The following CSPP1 variants were observed in gnomAD, a reference collection of about 807,000 sequenced individuals.
The protein encoded by CSPP1 is centrosome and spindle pole-associated protein 1.
CSPP1 carries 126 observed loss-of-function variants against 164.4 expected under a neutral mutation model. The ratio of observed to expected loss-of-function variants is 0.77; its 90% confidence interval spans 0.66 to 0.89. The LOEUF (loss-of-function observed/expected upper bound fraction) is 0.89, where lower values mean the gene tolerates loss of function less well. Among genes scored for constraint, CSPP1 ranks in the 40% least tolerant of loss-of-function variants. CSPP1 has a pLI of 0.00. For missense variants in CSPP1, 1,395 were observed against 1,449.8 expected, an observed-to-expected ratio of 0.96 and a Z score of 0.61; for synonymous variants, 472 against 476.7, an observed-to-expected ratio of 0.99 and a Z score of 0.13.
chr8:67,183,864 TTTTTTTTA>T, intron 28 of CSPP1, among the ~76,000 whole-genome samples: 1 of 148,852 alleles, frequency 6.7e-6, no homozygotes, highest in African/African-American at 2.5e-5. Flanking sequence ...TTTTTTTTTT[TTTTTTTTA>T]GACAAAGTCT....
At chr8:67,158,372 T>C in intron 19 of CSPP1, 75 bp from the exon 20 acceptor site, 2 of 1,411,146 alleles carry the variant, frequency 1.4e-6, no homozygotes, top group Non-Finnish European at 1.9e-6. Context: ...GTTTATATAC[T>C]ATCAGGAAAA....
intron 17 of CSPP1, among the ~76,000 whole-genome samples, chr8:67,146,110 G>T (rs111277367): frequency 0.035 from 5,223 of 149,264 alleles, 186 homozygotes; most frequent in African/African-American, 0.081. Flanking sequence ...TTTTGTAAGA[G>T]AATATACTTT....
chr8:67,192,794 G>A (rs752061712), intron 29 of CSPP1, among the ~76,000 whole-genome samples: 48 of 151,522 alleles, frequency 3.2e-4, no homozygotes, highest in Non-Finnish European at 5.6e-4. Context: ...TGTTAACTCC[G>A]TCCATAAACG....
At chr8:67,151,601 C>T (rs1021661922) in intron 18 of CSPP1, among the ~76,000 whole-genome samples, 1 of 152,254 alleles carries the variant, frequency 6.6e-6, no homozygotes, top group East Asian at 1.9e-4. Flanking sequence ...TTCCCAAAAG[C>T]ATAAGCCTGA....
intron 28 of CSPP1, among the ~76,000 whole-genome samples, chr8:67,182,498 A>G (rs185461338): frequency 6.6e-6 from 1 of 152,322 alleles, no homozygotes; most frequent in Non-Finnish European, 1.5e-5. Context: ...TTGGGTATAC[A>G]CTAAGAGATA....
chr8:67,105,809 G>C (rs543701585), intron 8 of CSPP1, 96 bp from the exon 9 acceptor site: 5 of 704,516 alleles, frequency 7.1e-6, no homozygotes, highest in African/African-American at 3.5e-5. Flanking sequence ...ACTTTGAAAG[G>C]CTAATAATTC....
chr8:67,104,504 G>A (rs979328782), intron 8 of CSPP1, among the ~76,000 whole-genome samples: 1 of 151,914 alleles, frequency 6.6e-6, no homozygotes, highest in Non-Finnish European at 1.5e-5. Context: ...AACTCATGGT[G>A]GGATTACAGG....
At chr8:67,172,302 T>A in intron 24 of CSPP1, 114 bp from the exon 25 acceptor site, 1 of 771,762 alleles carries the variant, frequency 1.3e-6, no homozygotes, top group Non-Finnish European at 2.1e-6. Flanking sequence ...CCTAGAGTAA[T>A]TTTTTAATAA....
At chr8:67,113,050 C>A (rs1247999440) in intron 10 of CSPP1, among the ~76,000 whole-genome samples, 1 of 152,128 alleles carries the variant, frequency 6.6e-6, no homozygotes, top group East Asian at 1.9e-4. Flanking sequence ...TCGAGACCAT[C>A]CTGGCTAACA....
At chr8:67,160,532 A>C (rs1016987113) in intron 21 of CSPP1, among the ~76,000 whole-genome samples, 3 of 151,162 alleles carry the variant, frequency 2.0e-5, no homozygotes, top group African/African-American at 7.3e-5. Flanking sequence ...GTAATTTCTT[A>C]TGTTTTTTAA....
intron 19 of CSPP1, among the ~76,000 whole-genome samples, chr8:67,156,127 C>T (rs1448140904): frequency 6.6e-6 from 1 of 152,180 alleles, no homozygotes; most frequent in East Asian, 1.9e-4. Flanking sequence ...AACAATCTTA[C>T]AATTGTATAG....
chr8:67,167,615 TCAGA>T (rs967886258), intron 24 of CSPP1, among the ~76,000 whole-genome samples: 3 of 145,460 alleles, frequency 2.1e-5, no homozygotes, highest in Admixed American at 6.8e-5. Flanking sequence ...TCCTCACTTC[TCAGA>T]CAGGGCGGCC....
At position 67,124,464 on chromosome 8, in the gene CSPP1, T is replaced by G. The variant is rs565554694; in HGVS notation, c.1697+5643T>G. Among the ~76,000 whole-genome samples, 8 of 151,726 alleles carry G rather than the reference T, an allele frequency of 5.3e-5. No individual in the cohort carries two copies. The East Asian group carries it at 1.5e-3, about 29-fold the overall frequency. ...ATACATTTAAGTCTCTCAACACAGT[T>G]TTATAATTATTGCCTTATGCAATTG... On this transcript the variant is annotated intron_variant, in intron 15 of 30. Transcript: ENST00000678616.
intron 9 of CSPP1, among the ~76,000 whole-genome samples, 190 bp downstream of exon 9, chr8:67,106,165 T>C (rs546059929): frequency 7.2e-5 from 11 of 152,186 alleles, no homozygotes; most frequent in Non-Finnish European, 1.3e-4. Flanking sequence ...ATTTTGTATT[T>C]TTAAAATTTT....
At position 67,095,446 on chromosome 8, in the gene CSPP1, G is replaced by C; in HGVS notation, c.637G>C (p.Glu213Gln). ...YEELLNQRRL[E>Q]EDRYRQLDDE... is the part of the protein sequence containing the mutation. ...AGAACTTCTGAACCAAAGACGACTAGAGGAGGACAGATACCGACAACTAGA... is the reference window on the plus strand; with the variant it reads ...AGAACTTCTGAACCAAAGACGACTACAGGAGGACAGATACCGACAACTAGA... Residue 213 changes from glutamate (E) to glutamine (Q), a missense_variant, in exon 7 of 31, where the codon GAG becomes CAG. Glu to Gln is a conservative substitution (Grantham distance 29). Transcript: ENST00000678616. 2 of 1,613,462 alleles carry C rather than the reference G, an allele frequency of 1.2e-6. No individual in the cohort carries two copies. Among genetic ancestry groups the C allele is most frequent in the South Asian group, 1.1e-5 (1 of 91,032 alleles).
chr8:67,185,117 A>T (rs560049447), intron 28 of CSPP1, among the ~76,000 whole-genome samples: 1 of 149,500 alleles, frequency 6.7e-6, no homozygotes. Context: ...AAAAAAAAAA[A>T]CAAAAACAAA....
chr8:67,156,834 T>C (rs1389700258), intron 19 of CSPP1, among the ~76,000 whole-genome samples: 2 of 152,180 alleles, frequency 1.3e-5, no homozygotes, highest in East Asian at 1.9e-4. Flanking sequence ...GCTTTAAAAA[T>C]AGTTAACAAA....
At chr8:67,179,199 TAA>T (rs1832407451) in intron 27 of CSPP1, among the ~76,000 whole-genome samples, 1 of 152,212 alleles carries the variant, frequency 6.6e-6, no homozygotes, top group Non-Finnish European at 1.5e-5. Flanking sequence ...TATGTAAATT[TAA>T]GTTTTCTCTA....
chr8:67,076,202 T>C (rs1807875478), intron 2 of CSPP1, among the ~76,000 whole-genome samples: 1 of 152,190 alleles, frequency 6.6e-6, no homozygotes, highest in African/African-American at 2.4e-5. Flanking sequence ...TGGCAGAAAT[T>C]CTTCTATTTT....
Sources: allele counts gnomAD v4.1 joint callset (sites outside exome capture counted in the v4.1 genomes callset), GRCh38; gene constraint gnomAD v4.1.1; transcripts MANE v1.5; gene names NCBI Gene and HGNC (gene_info 2026-07-23, HGNC 2026-07-21).